Variants in KLRG1 observed in about 807,000 individuals in gnomAD.
The protein encoded by KLRG1 is killer cell lectin like receptor G1, also known as killer cell lectin-like receptor subfamily G member 1.
A neutral mutation model predicts 21.8 loss-of-function variants in KLRG1; 16 were observed. The observed-to-expected ratio is 0.73, with a 90% CI of 0.50 to 1.11. The LOEUF is 1.11. KLRG1 is among the 50% of genes most tolerant of loss of function. The probability of loss-of-function intolerance (pLI) is 0.00; values close to 1 mark genes in which losing one functional copy is unlikely to be tolerated. For missense variants in KLRG1, 173 were observed against 218.3 expected (o/e 0.79, Z 1.31); for synonymous variants, 69 against 75.9 (o/e 0.91, Z 0.47).
chr12:9,010,871 C>T (rs1947622195), downstream of KLRG1: 1 of 152,222 alleles, frequency 6.6e-6, no homozygotes, highest in Non-Finnish European at 1.5e-5. Context: ...CAGTAGCTAA[C>T]TCTACAAAGG....
At chr12:9,074,004 C>T in the KLRG1 span, among the ~76,000 whole-genome samples, 3 of 149,940 alleles carry the variant, frequency 2.0e-5, no homozygotes, top group African/African-American at 7.4e-5. Context: ...ACTAGAATCG[C>T]TTGAACCTGG....
chr12:9,156,884 T>C, the KLRG1 span, among the ~76,000 whole-genome samples: 1 of 152,076 alleles, frequency 6.6e-6, no homozygotes, highest in Non-Finnish European at 1.5e-5. Context: ...TTTTGCACAG[T>C]TTTTAAAAAA....
chr12:9,201,440 AT>A, the KLRG1 span: 1 of 950,202 alleles, frequency 1.1e-6, no homozygotes, highest in Non-Finnish European at 1.6e-6. Context: ...GAGGAAGAAT[AT>A]TATCTGTAGC....
chr12:9,002,119 T>A (rs1330525680), intron 3 of KLRG1, among the ~76,000 whole-genome samples: 1 of 152,208 alleles, frequency 6.6e-6, no homozygotes, highest in Non-Finnish European at 1.5e-5. Context: ...TTTATAGAAA[T>A]CATTTTGCTT....
At chr12:9,075,425 A>C in the KLRG1 span, among the ~76,000 whole-genome samples, 1 of 152,092 alleles carries the variant, frequency 6.6e-6, no homozygotes, top group African/African-American at 2.4e-5. Flanking sequence ...TCATTGCAGC[A>C]TTTTTTTTAA....
At chr12:9,107,597 C>T in the KLRG1 span, 2 of 1,613,976 alleles carry the variant, frequency 1.2e-6, no homozygotes, top group Non-Finnish European at 1.7e-6. Context: ...ATACTTTCTG[C>T]AAATGCTCAC....
At chr12:9,213,059 T>C in the KLRG1 span, among the ~76,000 whole-genome samples, 6 of 152,336 alleles carry the variant, frequency 3.9e-5, no homozygotes, top group Admixed American at 1.3e-4. Context: ...AATAGAATCA[T>C]AATATATGTG....
At chr12:9,130,745 A>G in the KLRG1 span, among the ~76,000 whole-genome samples, 1 of 150,844 alleles carries the variant, frequency 6.6e-6, no homozygotes, top group African/African-American at 2.4e-5. Flanking sequence ...CCCATTTTGT[A>G]TGTTGCCCTT....
At chr12:9,119,361 TA>T in the KLRG1 span, among the ~76,000 whole-genome samples, 2 of 152,298 alleles carry the variant, frequency 1.3e-5, no homozygotes, top group African/African-American at 2.4e-5. Flanking sequence ...TTGTCATTGA[TA>T]AATTCCTGGC....
chr12:9,078,999 A>C, the KLRG1 span, among the ~76,000 whole-genome samples: 1 of 152,144 alleles, frequency 6.6e-6, no homozygotes, highest in Non-Finnish European at 1.5e-5. Flanking sequence ...AAGAATAGCC[A>C]TTTCAGAAAG....
At chr12:9,109,849 A>G in the KLRG1 span, 3 of 1,570,654 alleles carry the variant, frequency 1.9e-6, no homozygotes, top group Non-Finnish European at 2.6e-6. Flanking sequence ...ATGCTTGATG[A>G]CTTTTCATGA....
chr12:9,085,495 T>C, the KLRG1 span, among the ~76,000 whole-genome samples: 6 of 151,704 alleles, frequency 4.0e-5, no homozygotes, highest in Non-Finnish European at 2.9e-5. Context: ...TAACAAAACA[T>C]AGCATAAAGT....
chr12:9,046,909 C>T, the KLRG1 span, among the ~76,000 whole-genome samples: 1 of 152,114 alleles, frequency 6.6e-6, no homozygotes, highest in Non-Finnish European at 1.5e-5. Flanking sequence ...GGTTGGAGTG[C>T]AGTGGTACAA....
At chr12:8,981,858 G>A (rs1337676317) in intron 1 of KLRG1, among the ~76,000 whole-genome samples, 1 of 152,000 alleles carries the variant, frequency 6.6e-6, no homozygotes, top group Non-Finnish European at 1.5e-5. Context: ...GATTATTGAT[G>A]TTTATTTTTC....
chr12:9,134,926 A>G, the KLRG1 span, among the ~76,000 whole-genome samples: 1 of 152,178 alleles, frequency 6.6e-6, no homozygotes, highest in African/African-American at 2.4e-5. Context: ...ACTCTAATGA[A>G]AGAAAAAAGT....
chr12:8,957,340 C>A (rs1333083556), intron 1 of KLRG1, among the ~76,000 whole-genome samples: 1 of 152,200 alleles, frequency 6.6e-6, no homozygotes, highest in Non-Finnish European at 1.5e-5. Flanking sequence ...AAATTTAATG[C>A]CTTTTCTGTC....
intron 3 of KLRG1, among the ~76,000 whole-genome samples, chr12:8,998,004 C>T (rs981006771): frequency 6.6e-6 from 1 of 152,102 alleles, no homozygotes; most frequent in Admixed American, 6.6e-5. Context: ...TAGAGTTCAA[C>T]ATCCCCATTT....
intron 1 of KLRG1, among the ~76,000 whole-genome samples, chr12:8,978,915 A>G (rs1023966041): frequency 3.3e-5 from 5 of 151,514 alleles, no homozygotes; most frequent in Non-Finnish European, 7.4e-5. Flanking sequence ...GGGTTTCACC[A>G]TGTTGACCAG....
chr12:9,095,914 C>T, the KLRG1 span, among the ~76,000 whole-genome samples: 2 of 151,188 alleles, frequency 1.3e-5, no homozygotes, highest in African/African-American at 2.4e-5. Flanking sequence ...CGCCCGCCAC[C>T]GCGCCCGGCT....
Sources: allele counts gnomAD v4.1 joint callset (sites outside exome capture counted in the v4.1 genomes callset), GRCh38; gene constraint gnomAD v4.1.1; transcripts MANE v1.5; gene names NCBI Gene and HGNC (gene_info 2026-07-23, HGNC 2026-07-21).